Variants in CDH18 observed in about 807,000 individuals in gnomAD.
CDH18 encodes the protein cadherin-18.
A neutral mutation model predicts 67.9 loss-of-function variants in CDH18; 31 were observed. The ratio of observed to expected loss-of-function variants is 0.46; its 90% CI spans 0.34 to 0.62. The LOEUF (loss-of-function observed/expected upper bound fraction) is 0.62, where lower values mean the gene tolerates loss of function less well. Ranked by LOEUF, CDH18 falls within the 20% of genes least tolerant of loss-of-function variation. The pLI is 0.01. For synonymous variants in CDH18, 362 were observed against 347.2 expected, an observed-to-expected ratio of 1.04 and a Z score of -0.48; for missense variants, 890 against 975.5, an observed-to-expected ratio of 0.91 and a Z score of 1.17.
chr5:19,575,579 G>A (rs577967042), intron 7 of CDH18, among the ~76,000 whole-genome samples: 31 of 152,294 alleles, frequency 2.0e-4, no homozygotes, highest in African/African-American at 7.2e-4. Context: ...TTGTTTTACT[G>A]GAATGGTGCT....
intron 5 of CDH18, among the ~76,000 whole-genome samples, chr5:19,677,256 T>A (rs763544391): frequency 6.6e-6 from 1 of 152,026 alleles, no homozygotes; most frequent in Non-Finnish European, 1.5e-5. Flanking sequence ...GTGTTTTCAG[T>A]ATTCTTAAAG....
At chr5:20,367,892 A>G (rs920274288) in intron 1 of CDH18, among the ~76,000 whole-genome samples, 3 of 152,164 alleles carry the variant, frequency 2.0e-5, no homozygotes, top group Non-Finnish European at 2.9e-5. Flanking sequence ...GAGTGTTTTC[A>G]ACTCTACTTC....
At chr5:20,184,999 A>G (rs1737979770) in intron 2 of CDH18, among the ~76,000 whole-genome samples, 1 of 152,090 alleles carries the variant, frequency 6.6e-6, no homozygotes, top group Non-Finnish European at 1.5e-5. Flanking sequence ...GTTAGTTACA[A>G]CATTCACATT....
At chr5:19,610,590 A>C (rs1748788552) in intron 6 of CDH18, among the ~76,000 whole-genome samples, 1 of 152,116 alleles carries the variant, frequency 6.6e-6, no homozygotes, top group Non-Finnish European at 1.5e-5. Context: ...TATTAAGGCT[A>C]CAATATGAAT....
intron 5 of CDH18, among the ~76,000 whole-genome samples, chr5:19,682,441 C>T (rs1760465692): frequency 6.6e-6 from 1 of 152,016 alleles, no homozygotes; most frequent in Admixed American, 6.6e-5. Context: ...CCATGAGGTC[C>T]TTCTTTTTTG....
chr5:19,541,487 G>C (rs1006905810), intron 9 of CDH18, among the ~76,000 whole-genome samples: 1 of 152,090 alleles, frequency 6.6e-6, no homozygotes, highest in African/African-American at 2.4e-5. Flanking sequence ...GTGTTAGTCT[G>C]TTCTCACACT....
chr5:19,730,970 G>A (rs941609116), intron 4 of CDH18, among the ~76,000 whole-genome samples: 17 of 152,150 alleles, frequency 1.1e-4, no homozygotes, highest in Non-Finnish European at 1.6e-4. Flanking sequence ...GAGATGAGGA[G>A]GCTTTCTGCT....
chr5:19,898,709 A>T lies in CDH18; in HGVS notation c.-256-59467T>A, dbSNP rs545022505. Among the ~76,000 whole-genome samples the T allele has an allele frequency of 9.2e-4, 140 of 152,134 alleles. 1 individual carries two copies. The highest frequency in any genetic ancestry group is 1.4e-3 in the Non-Finnish European group (93 of 68,018). On this transcript the variant is annotated intron_variant, in intron 2 of 12. Transcript: ENST00000382275. ...GATTACAAATTAAAGTTTTACAAAA[A>T]ATCATAGGGGAAATGTTTCATGACA...
chr5:20,447,869 T>C lies in CDH18; in HGVS notation c.-580+127593A>G, dbSNP rs187713814. 2.4e-3 allele frequency among the ~76,000 whole-genome samples: 362 copies of C among 152,260 alleles called. 7 individuals are homozygous for C. Among genetic ancestry groups the C allele is most frequent in the Admixed American group, 0.021 (321 of 15,278 alleles). Reference sequence around the variant, plus strand: ...TTTATCGAATCTACTTTAAGCTTTGTCTTTGAGATCTCTTATTTTATTTTA... The same window carrying C: ...TTTATCGAATCTACTTTAAGCTTTGCCTTTGAGATCTCTTATTTTATTTTA... On this transcript the variant is annotated intron_variant, in intron 1 of 14. Transcript: ENST00000507958.
chr5:20,013,178 T>C (rs762208594), intron 2 of CDH18, among the ~76,000 whole-genome samples: 7 of 152,104 alleles, frequency 4.6e-5, no homozygotes, highest in African/African-American at 7.2e-5. Context: ...CACCCGATGT[T>C]TGCTGATCAC....
chr5:20,564,833 T>C (rs533175293), intron 1 of CDH18, among the ~76,000 whole-genome samples: 4 of 152,296 alleles, frequency 2.6e-5, no homozygotes, highest in African/African-American at 9.6e-5. Context: ...ATTATTTTTA[T>C]ATTAAGTATA....
At chr5:19,593,614 C>T (rs572236767) in intron 6 of CDH18, among the ~76,000 whole-genome samples, 121 of 145,562 alleles carry the variant, frequency 8.3e-4, no homozygotes, top group African/African-American at 2.6e-3. Flanking sequence ...CCCACTCCCC[C>T]TCCCGTTCTT....
At chr5:20,019,435 A>T (rs1015299708) in intron 2 of CDH18, among the ~76,000 whole-genome samples, 6 of 151,996 alleles carry the variant, frequency 3.9e-5, no homozygotes, top group Non-Finnish European at 8.8e-5. Flanking sequence ...TAACCCCCCA[A>T]TGTTGGAGGA....
intron 1 of CDH18, among the ~76,000 whole-genome samples, chr5:20,531,477 T>C (rs1329839974): frequency 6.6e-6 from 1 of 152,048 alleles, no homozygotes; most frequent in African/African-American, 2.4e-5. Flanking sequence ...AGCAAAGACA[T>C]GGATTCAATC....
intron 1 of CDH18, among the ~76,000 whole-genome samples, chr5:20,463,240 T>TTTTTTTTTTTTTTTTTTTGAGACG (rs1751395460): frequency 6.6e-6 from 1 of 151,716 alleles, no homozygotes. Context: ...TGTGCTTTTG[T>TTTTTTTTTTTTTTTTTTTGAGACG]GATGCAATTC....
At chr5:19,550,387 A>G (rs980924114) in intron 8 of CDH18, among the ~76,000 whole-genome samples, 1 of 151,988 alleles carries the variant, frequency 6.6e-6, no homozygotes, top group African/African-American at 2.4e-5. Flanking sequence ...AGCATTAGGT[A>G]TATCTCCCAA....
At chr5:20,352,705 A>G (rs1481146574) in intron 1 of CDH18, among the ~76,000 whole-genome samples, 2 of 151,906 alleles carry the variant, frequency 1.3e-5, no homozygotes, top group East Asian at 3.9e-4. Context: ...AGGCAGGAGA[A>G]TGGTGTGAAC....
chr5:19,800,061 A>G (rs2149843766), intron 3 of CDH18, among the ~76,000 whole-genome samples: 1 of 152,348 alleles, frequency 6.6e-6, no homozygotes, highest in Non-Finnish European at 1.5e-5. Flanking sequence ...TAGTTCAATA[A>G]GATCCTCAAA....
In CDH18 at chr5:19,940,499, A is replaced by G. The variant is rs73762451; in HGVS notation, c.-257+40561T>C. ...GACCTACACTTAGGAAAAAAATCCA[A>G]ATTTACTATTTGGCTTATGTAGCTC... On this transcript the variant is annotated intron_variant, in intron 2 of 12. Transcript: ENST00000382275. Among the ~76,000 whole-genome samples the G allele has an allele frequency of 5.9e-3, 900 of 152,128 alleles. 8 individuals carry two copies. Among genetic ancestry groups the G allele is most frequent in the African/African-American group, 0.02 (820 of 41,538 alleles).
Sources: allele counts gnomAD v4.1 joint callset (sites outside exome capture counted in the v4.1 genomes callset), GRCh38; gene constraint gnomAD v4.1.1; transcripts MANE v1.5; gene names NCBI Gene and HGNC (gene_info 2026-07-23, HGNC 2026-07-21).